Variants in TUBA3E observed in about 807,000 individuals in gnomAD.
TUBA3E encodes tubulin alpha 3e.
Under a neutral mutation model 36.7 loss-of-function variants are expected in TUBA3E, and 21 were observed. The ratio of observed to expected loss-of-function variants is 0.57; its 90% CI spans 0.41 to 0.83. The LOEUF is 0.83. Ranked by LOEUF, TUBA3E falls within the 40% of genes least tolerant of loss-of-function variation. The probability of loss-of-function intolerance (pLI) is 0.00; values close to 1 mark genes in which losing one functional copy is unlikely to be tolerated. For missense variants in TUBA3E, 469 were observed against 604.2 expected (o/e 0.78, Z 2.35); for synonymous variants, 177 against 241.9 (o/e 0.73, Z 2.49).
At chr2:130,194,667 T>C (rs974059499) in intron 3 of TUBA3E, among the ~76,000 whole-genome samples, 1 of 152,200 alleles carries the variant, frequency 6.6e-6, no homozygotes, top group Non-Finnish European at 1.5e-5. Flanking sequence ...GGACTCAAGA[T>C]GCTGGTCTAA....
chr2:130,196,426 T>C, intron 1 of TUBA3E, 55 bp from the exon 2 acceptor site: 1 of 1,579,620 alleles, frequency 6.3e-7, no homozygotes, highest in Admixed American at 1.8e-5. Context: ...CTTGAAACTA[T>C]ATGGCATGCA....
In TUBA3E at chr2:130,196,197, T is replaced by G; in HGVS notation, c.178A>C (p.Lys60Gln). ...NTFFSETGAG[K>Q]HVPRAVFVDL... ...ACAAACACTGCTCTGGGCACGTGCTTGCCAGCTCCAGTCTCACTGAAGAAC... is the reference window on the plus strand; with the variant it reads ...ACAAACACTGCTCTGGGCACGTGCTGGCCAGCTCCAGTCTCACTGAAGAAC... The change falls in exon 2 of 5, where the codon AAG becomes CAG. Residue 60 changes from lysine (K) to glutamine (Q), a missense_variant. This residue lies in a region of TUBA3E where 169 missense variants were observed against 239.0 expected (regional missense o/e 0.71). Transcript: ENST00000312988. 1 of 1,613,988 alleles carries G rather than the reference T, an allele frequency of 6.2e-7. No individual in the cohort carries two copies. Among genetic ancestry groups the G allele is most frequent in the Non-Finnish European group, 8.5e-7 (1 of 1,179,878 alleles).
In TUBA3E at chr2:130,196,054, C is replaced by G. The variant is rs1690394528; in HGVS notation, c.226+95G>C. The G allele has an allele frequency of 3.0e-6, 4 of 1,345,946 alleles. No individual in the cohort carries two copies. The East Asian group carries it at 1.0e-4, about 34-fold the overall frequency. 83.4% of individuals were successfully genotyped at this position (1,345,946 alleles called of 1,614,324 possible). A position where few individuals can be genotyped will look rare whatever the true frequency, so the allele number is the denominator to read the frequency against. ...TGGGCATATGCCTGTCTATCCCATC[C>G]TTTCAGCAGGAGGATTCAAAGGAGC... On this transcript the variant is annotated intron_variant, in intron 2 of 4. Coordinates refer to ENST00000312988, the MANE Select transcript of TUBA3E (RefSeq NM_207312.3).
Position 130,194,200 on chromosome 2 carries a change from C to T in TUBA3E, c.642G>A (p.Arg214=), listed in dbSNP as rs775145104. 6.2e-7 allele frequency: 1 copy of T among 1,613,094 alleles called. No individual in the cohort carries two copies. The change falls in exon 4 of 5, where the codon CGG becomes CGA. Residue 214 remains arginine (R), a synonymous_variant. Coordinates refer to ENST00000312988, the MANE Select transcript of TUBA3E (RefSeq NM_207312.3). ...TGGGACGTTCAATGTCCAGGTTGCGCCGACATATGTCATAGATGGCTTCAT... is the reference window on the plus strand; with the variant it reads ...TGGGACGTTCAATGTCCAGGTTGCGTCGACATATGTCATAGATGGCTTCAT... ...VDNEAIYDIC[R]RNLDIERPTY...
At chr2:130,195,988 C>G (rs1227017216) in intron 2 of TUBA3E, among the ~76,000 whole-genome samples, 161 bp downstream of exon 2, 2 of 152,246 alleles carry the variant, frequency 1.3e-5, no homozygotes. Flanking sequence ...CTCACAGACA[C>G]TTTCATCACA....
At position 130,194,397 on chromosome 2, in the gene TUBA3E, A is replaced by C. The variant is rs1323094197; in HGVS notation, c.445T>G (p.Phe149Val). 2 of 1,612,096 alleles carry C rather than the reference A, an allele frequency of 1.2e-6. No homozygotes were observed. Among genetic ancestry groups the C allele is most frequent in the Admixed American group, 1.7e-5 (1 of 59,784 alleles). Residue 149 changes from phenylalanine (F) to valine (V), a missense_variant, in exon 4 of 5, where the codon TTC (phenylalanine) becomes GTC (valine). Transcript: ENST00000312988. ...HSFGGGTGSGFASLLMERLSV... is the reference protein window; with the variant it reads ...HSFGGGTGSGVASLLMERLSV... ...AGCCGCTCCATGAGCAGAGATGCGA[A>C]CCCAGAGCCAGTGCCGCCCCCAAAG...
intron 1 of TUBA3E, among the ~76,000 whole-genome samples, chr2:130,197,787 T>G (rs1175848560): frequency 8.1e-6 from 1 of 123,652 alleles, no homozygotes; most frequent in Non-Finnish European, 1.8e-5. Flanking sequence ...TAGTATTTTT[T>G]TGTAGAGACT....
intron 3 of TUBA3E, among the ~76,000 whole-genome samples, chr2:130,194,818 C>T (rs1223167841): frequency 6.6e-6 from 1 of 152,182 alleles, no homozygotes; most frequent in African/African-American, 2.4e-5. Flanking sequence ...GCTGGCAGTA[C>T]AGGTGTGTGC....
chr2:130,195,926 G>A (rs1690391468), intron 2 of TUBA3E, among the ~76,000 whole-genome samples: 1 of 152,232 alleles, frequency 6.6e-6, no homozygotes, highest in African/African-American at 2.4e-5. Context: ...TCTTACTGCT[G>A]GCAAAGCAGC....
intron 3 of TUBA3E, 33 bp downstream of exon 3, chr2:130,195,046 A>T: frequency 6.2e-7 from 1 of 1,610,464 alleles, no homozygotes; most frequent in Non-Finnish European, 8.5e-7. Context: ...CTCCCATGCA[A>T]GACAATGGCC....
In TUBA3E at chr2:130,195,211, C is replaced by A. The variant is rs149428191; in HGVS notation, c.243G>T (p.Gly81=). The part of the protein sequence containing the change: ...EPTVVDEVRT[G]TYRQLFHPEQ... ...CTGGGTGGAAGAGCTGCCTGTAGGT[C>A]CCTGTGCGCACTTCATCTGCAAAAG... Residue 81 remains glycine, a synonymous_variant, in exon 3 of 5, where the codon GGG becomes GGT. Coordinates refer to ENST00000312988, the MANE Select transcript of TUBA3E (RefSeq NM_207312.3). 1,408 of 1,613,866 alleles carry A rather than the reference C, an allele frequency of 8.7e-4. 15 individuals carry two copies. In the African/African-American group the frequency reaches 0.017, roughly 20 times the overall value.
Position 130,192,018 on chromosome 2 carries a change from G to T in TUBA3E, c.1166C>A (p.Ala389Asp). 6.2e-7 allele frequency: 1 copy of T among 1,614,106 alleles called. No homozygotes were observed. The highest frequency in any genetic ancestry group is 8.5e-7 in the Non-Finnish European group (1 of 1,180,030). ...SNTTAIAEAW[A>D]RLVHKFDLMY... ...GAGATCGAACTTATGGACCAGGCGG[G>T]CCCAGGCCTCCGCAATGGCCGTGGT... is the stretch of plus-strand genomic sequence containing the variant. Residue 389 changes from alanine to aspartate, a missense_variant, in exon 5 of 5, where the codon GCC becomes GAC. By Grantham distance (126) the Ala-to-Asp change is moderately radical. Coordinates refer to ENST00000312988, the MANE Select transcript of TUBA3E (RefSeq NM_207312.3).
intron 4 of TUBA3E, among the ~76,000 whole-genome samples, chr2:130,193,283 A>ATT (rs1479319323): frequency 1.3e-5 from 2 of 151,874 alleles, no homozygotes; most frequent in African/African-American, 4.8e-5. Flanking sequence ...CTCACCACAG[A>ATT]TATATAGTGT....
Position 130,195,176 on chromosome 2 carries a change from A to G in TUBA3E, c.278T>C (p.Ile93Thr). 3 of 1,614,002 alleles carry G rather than the reference A, an allele frequency of 1.9e-6. No homozygotes were observed. Among genetic ancestry groups the G allele is most frequent in the Non-Finnish European group, 2.5e-6 (3 of 1,180,006 alleles). ...ACTGGCTGCATCTTCCTTCCCGGTGATCAGCTGCTCTGGGTGGAAGAGCTG... is the reference window on the plus strand; with the variant it reads ...ACTGGCTGCATCTTCCTTCCCGGTGGTCAGCTGCTCTGGGTGGAAGAGCTG... The part of the protein sequence containing the change: ...YRQLFHPEQL[I>T]TGKEDAASNY... Residue 93 changes from isoleucine (I) to threonine (T), a missense_variant, in exon 3 of 5, where the codon ATC (isoleucine) becomes ACC (threonine). By Grantham distance (89) the Ile-to-Thr change is moderately conservative. This residue lies in a region of TUBA3E where 169 missense variants were observed against 239.0 expected (regional missense o/e 0.71). Transcript: ENST00000312988.
Position 130,191,852 on chromosome 2 carries a change from A to T in TUBA3E, c.1332T>A (p.Ala444=), listed in dbSNP as rs752908524. The part of the protein sequence containing the change: ...EVGVDSVEAE[A]EEGEAY ...CCCCTCAGTATGCTTCGCCTTCTTC[A>T]GCCTCAGCTTCCACGGAATCCACGC... The change falls in exon 5 of 5, where the codon GCT becomes GCA. Residue 444 remains alanine, a synonymous_variant. Transcript: ENST00000312988. The T allele has an allele frequency of 1.2e-6, 2 of 1,608,436 alleles. No homozygotes were observed. The highest frequency in any genetic ancestry group is 1.7e-6 in the Non-Finnish European group (2 of 1,177,480).
At chr2:130,193,539 G>A (rs2104749188) in intron 4 of TUBA3E, among the ~76,000 whole-genome samples, 1 of 151,136 alleles carries the variant, frequency 6.6e-6, no homozygotes, top group Middle Eastern at 3.4e-3. Flanking sequence ...AACCCGGGAG[G>A]CAGAGGTTGC....
chr2:130,191,906 T>G lies in TUBA3E; in HGVS notation c.1278A>C (p.Ala426=). 6.2e-7 allele frequency: 1 copy of G among 1,614,136 alleles called. No homozygotes were observed. Among genetic ancestry groups the G allele is most frequent in the Non-Finnish European group, 8.5e-7 (1 of 1,180,028 alleles). Residue 426 remains alanine (A), a synonymous_variant, in exon 5 of 5, where the codon GCA becomes GCC. Coordinates refer to ENST00000312988, the MANE Select transcript of TUBA3E (RefSeq NM_207312.3). ...GEFSEAREDL[A]ALEKDCEEVG... Reference sequence around the variant, plus strand: ...CCTCTTCACAATCCTTCTCTAGAGCTGCCAGGTCCTCGCGGGCCTCAGAGA... The same window carrying G: ...CCTCTTCACAATCCTTCTCTAGAGCGGCCAGGTCCTCGCGGGCCTCAGAGA...
chr2:130,194,562 G>C (rs1000510490), intron 3 of TUBA3E, 96 bp from the exon 4 acceptor site: 1 of 1,284,290 alleles, frequency 7.8e-7, no homozygotes, highest in African/African-American at 1.5e-5. Flanking sequence ...CTAAAGAGTT[G>C]ATATGGATTC....
At chr2:130,196,459 T>C in intron 1 of TUBA3E, 88 bp from the exon 2 acceptor site, 3 of 1,521,498 alleles carry the variant, frequency 2.0e-6, no homozygotes, top group Non-Finnish European at 2.7e-6. Context: ...TTAATATTTA[T>C]ATAGTGCTTC....
Sources: allele counts gnomAD v4.1 joint callset (sites outside exome capture counted in the v4.1 genomes callset), GRCh38; gene constraint gnomAD v4.1.1; regional missense constraint gnomAD v4.1.1; transcripts MANE v1.5; gene names NCBI Gene and HGNC (gene_info 2026-07-23, HGNC 2026-07-21).